YBX1: variants seen among roughly 807,000 people sequenced by gnomAD.
The protein encoded by YBX1 is Y-box binding protein 1, also known as Y-box-binding protein 1.
YBX1 carries 3 observed loss-of-function variants against 41.4 expected under a neutral mutation model. That is an observed-to-expected ratio of 0.07 (90% confidence interval 0.03 to 0.19). YBX1 has a LOEUF of 0.19. Among genes scored for constraint, YBX1 ranks in the 10% least tolerant of loss-of-function variants. The probability of loss-of-function intolerance (pLI) is 1.00; values close to 1 mark genes in which losing one functional copy is unlikely to be tolerated. For synonymous variants in YBX1, 133 were observed against 165.8 expected (o/e 0.80, Z 1.52); for missense variants, 274 against 462.8 (o/e 0.59, Z 3.74).
chr1:42,701,758 A>G (rs1484709376), intron 7 of YBX1, among the ~76,000 whole-genome samples: 1 of 151,956 alleles, frequency 6.6e-6, no homozygotes, highest in Admixed American at 6.6e-5. Flanking sequence ...ATTCTTTTTC[A>G]TTTCGCTTTT....
At chr1:42,682,797 G>A (rs1650070045) in intron 1 of YBX1, 66 bp downstream of exon 1, 4 of 1,112,560 alleles carry the variant, frequency 3.6e-6, no homozygotes, top group Non-Finnish European at 3.4e-6. Flanking sequence ...GTTAGCCGGA[G>A]CTGGGCGAGC....
chr1:42,693,434 G>T, intron 2 of YBX1, 56 bp from the exon 3 acceptor site: 1 of 1,599,886 alleles, frequency 6.3e-7, no homozygotes. Flanking sequence ...ATTAATCTTT[G>T]ACAACATGAG....
chr1:42,687,447 T>G (rs750422608), intron 2 of YBX1, among the ~76,000 whole-genome samples: 2 of 152,044 alleles, frequency 1.3e-5, no homozygotes, highest in Non-Finnish European at 2.9e-5. Context: ...CCACACAGGC[T>G]AATTTTGTAT....
intron 6 of YBX1, among the ~76,000 whole-genome samples, chr1:42,698,134 T>C (rs1318781503): frequency 6.6e-6 from 1 of 152,210 alleles, no homozygotes; most frequent in Non-Finnish European, 1.5e-5. Context: ...CAAAATATAC[T>C]GTGAGTCTAT....
intron 2 of YBX1, among the ~76,000 whole-genome samples, chr1:42,691,292 A>T (rs546158915): frequency 2.0e-5 from 3 of 152,088 alleles, no homozygotes; most frequent in Admixed American, 6.5e-5. Context: ...ATATCTATCT[A>T]TGTACCCACA....
chr1:42,683,535 G>A (rs1285118197), intron 2 of YBX1, 69 bp downstream of exon 2: 7 of 1,581,050 alleles, frequency 4.4e-6, no homozygotes, highest in Non-Finnish European at 4.3e-6. Context: ...GGCTTCTCGG[G>A]GCTTGGGAAG....
At chr1:42,700,368 C>T (rs962566529) in intron 6 of YBX1, among the ~76,000 whole-genome samples, 1 of 151,936 alleles carries the variant, frequency 6.6e-6, no homozygotes, top group Non-Finnish European at 1.5e-5. Context: ...CTTTGGGAGG[C>T]CAAGGAGGGA....
Position 42,696,603 on chromosome 1 carries a change from A to C in YBX1, c.355-39A>C, listed in dbSNP as rs752454670. 1.6e-6 allele frequency: 2 copies of C among 1,239,886 alleles called. No individual in the cohort carries two copies. Among genetic ancestry groups the C allele is most frequent in the Non-Finnish European group, 2.1e-6 (2 of 966,522 alleles). 76.8% of individuals were successfully genotyped at this position (1,239,886 alleles called of 1,614,324 possible). A position where few individuals can be genotyped will look rare whatever the true frequency, so the allele number is the denominator to read the frequency against. On this transcript the variant is annotated intron_variant, in intron 4 of 7. Transcript: ENST00000321358. This position sits in a 1 kb window ranked among gnomAD's most constrained non-coding sequence, Gnocchi z 5.7. Reference sequence around the variant, plus strand: ...TTTTGAAAGTGTTGAAAGTGTTCTGATTTCCTTTGTCACTATCAATATGTA... The same window carrying C: ...TTTTGAAAGTGTTGAAAGTGTTCTGCTTTCCTTTGTCACTATCAATATGTA...
At chr1:42,689,293 C>T (rs1472161926) in intron 2 of YBX1, among the ~76,000 whole-genome samples, 1 of 152,166 alleles carries the variant, frequency 6.6e-6, no homozygotes, top group East Asian at 1.9e-4. Flanking sequence ...ATCTTACAGT[C>T]ATCTACAAGG....
intron 2 of YBX1, among the ~76,000 whole-genome samples, chr1:42,692,740 A>G (rs1004379388): frequency 6.6e-6 from 1 of 152,226 alleles, no homozygotes; most frequent in Non-Finnish European, 1.5e-5. Flanking sequence ...TTCCTTCTCC[A>G]GTGGTGATTC....
At chr1:42,690,247 CTTTTT>C (rs201469298) in intron 2 of YBX1, among the ~76,000 whole-genome samples, 5 of 143,896 alleles carry the variant, frequency 3.5e-5, no homozygotes, top group East Asian at 4.0e-4. Flanking sequence ...TTTTTCTTTT[CTTTTT>C]TTTTTTTTAA....
intron 2 of YBX1, among the ~76,000 whole-genome samples, chr1:42,692,927 T>G (rs1200427929): frequency 6.6e-6 from 1 of 152,260 alleles, no homozygotes; most frequent in African/African-American, 2.4e-5. Context: ...AGTCCTTGTC[T>G]GGACTTGTGG....
At chr1:42,688,783 A>G (rs752776341) in intron 2 of YBX1, among the ~76,000 whole-genome samples, 1 of 152,228 alleles carries the variant, frequency 6.6e-6, no homozygotes, top group Non-Finnish European at 1.5e-5. Flanking sequence ...GATGAGGTCT[A>G]CAGCTGGAAT....
chr1:42,689,205 T>G (rs1282876284), intron 2 of YBX1, among the ~76,000 whole-genome samples: 3 of 152,162 alleles, frequency 2.0e-5, no homozygotes, highest in African/African-American at 7.2e-5. Flanking sequence ...ATAGACAATA[T>G]GTGGGAAACA....
intron 6 of YBX1, among the ~76,000 whole-genome samples, chr1:42,699,592 G>A (rs1433227399): frequency 6.6e-6 from 1 of 150,490 alleles, no homozygotes; most frequent in African/African-American, 2.4e-5. Context: ...TGGATAAAGA[G>A]GGGAGAAAAG....
intron 3 of YBX1, among the ~76,000 whole-genome samples, chr1:42,694,233 C>T (rs569773034): frequency 5.9e-5 from 9 of 152,198 alleles, no homozygotes; most frequent in African/African-American, 2.2e-4. Context: ...AGTGAACTTT[C>T]TCCCTAAGTA....
chr1:42,696,520 C>G lies in YBX1; in HGVS notation c.355-122C>G, dbSNP rs1376431306. 6 of 735,626 alleles carry G rather than the reference C, an allele frequency of 8.2e-6. No homozygotes were observed. Among genetic ancestry groups the G allele is most frequent in the African/African-American group, 1.8e-5 (1 of 56,224 alleles). 45.6% of individuals were successfully genotyped at this position (735,626 alleles called of 1,614,324 possible). A position where few individuals can be genotyped will look rare whatever the true frequency, so the allele number is the denominator to read the frequency against. ...CTGGTCACGCAGTTGCGCCCCCCCC[C>G]CCTTTTTTTTCCTTAACTTTGTTGT... On this transcript the variant is annotated intron_variant, in intron 4 of 7. Transcript: ENST00000321358. This position sits in a 1 kb window ranked among gnomAD's most constrained non-coding sequence, Gnocchi z 5.7.
At chr1:42,701,471 TAG>T (rs1362669974) in intron 7 of YBX1, among the ~76,000 whole-genome samples, 1 of 152,088 alleles carries the variant, frequency 6.6e-6, no homozygotes, top group African/African-American at 2.4e-5. Context: ...TGGTGACAAA[TAG>T]AGTCTGTTTG....
At chr1:42,699,402 G>A (rs1364147893) in intron 6 of YBX1, among the ~76,000 whole-genome samples, 1 of 152,180 alleles carries the variant, frequency 6.6e-6, no homozygotes, top group African/African-American at 2.4e-5. Context: ...TTAGAAGTGA[G>A]TTCACCCAGC....
Sources: gnomAD v4.1 joint callset for allele counts (sites outside exome capture counted in the v4.1 genomes callset) on GRCh38, gnomAD v4.1.1 for gene constraint, Gnocchi (gnomAD v3.1) non-coding constraint, MANE v1.5 for transcripts, NCBI Gene and HGNC (gene_info 2026-07-23, HGNC 2026-07-21) for gene names.